RSRC1: variants seen among roughly 807,000 people sequenced by gnomAD.
RSRC1 encodes arginine and serine rich coiled-coil 1, also known as serine/Arginine-related protein 53.
Under a neutral mutation model 49.1 loss-of-function variants are expected in RSRC1, and 39 were observed. The observed-to-expected ratio is 0.79, with a 90% CI of 0.61 to 1.04. The LOEUF is 1.04. Ranked by LOEUF, RSRC1 falls within the 50% of genes least tolerant of loss-of-function variation. The pLI, the probability that RSRC1 is intolerant of heterozygous loss-of-function variation, is 0.00. For synonymous variants in RSRC1, 143 were observed against 130.8 expected (o/e 1.09, Z -0.63); for missense variants, 388 against 402.4 (o/e 0.96, Z 0.31).
chr3:158,185,820 A>C (rs1203764803), intron 3 of RSRC1, among the ~76,000 whole-genome samples: 1 of 152,034 alleles, frequency 6.6e-6, no homozygotes, highest in Non-Finnish European at 1.5e-5. Context: ...GATGGTGTCC[A>C]GAACATACAA....
chr3:158,145,942 G>C (rs1717077554), intron 3 of RSRC1, among the ~76,000 whole-genome samples: 1 of 152,136 alleles, frequency 6.6e-6, no homozygotes, highest in African/African-American at 2.4e-5. Context: ...TCTGTTATTG[G>C]TGTATAAGAA....
chr3:158,147,047 T>C (rs970601545), intron 3 of RSRC1, among the ~76,000 whole-genome samples: 5 of 149,162 alleles, frequency 3.4e-5, no homozygotes, highest in African/African-American at 9.9e-5. Flanking sequence ...GTGGTAGTGC[T>C]GCTGCCTCCC....
chr3:158,443,560 G>A (rs1338681373), intron 6 of RSRC1, among the ~76,000 whole-genome samples: 2 of 152,170 alleles, frequency 1.3e-5, no homozygotes, highest in African/African-American at 4.8e-5. Context: ...TTTTGGCTAA[G>A]CTTAATGGTA....
chr3:158,184,295 C>A (rs201339354), intron 3 of RSRC1, among the ~76,000 whole-genome samples: 10 of 142,440 alleles, frequency 7.0e-5, no homozygotes, highest in African/African-American at 1.5e-4. Context: ...AAAAAAAAAA[C>A]AAAACCTAGA....
At chr3:158,243,179 C>T (rs145914954) in intron 4 of RSRC1, among the ~76,000 whole-genome samples, 2,556 of 152,128 alleles carry the variant, frequency 0.017, 88 homozygotes, top group African/African-American at 0.056. Context: ...TTTATAGTTT[C>T]GGGTTTTACA....
chr3:158,519,038 A>G (rs1576603974), intron 7 of RSRC1, among the ~76,000 whole-genome samples: 1 of 152,194 alleles, frequency 6.6e-6, no homozygotes, highest in East Asian at 1.9e-4. Flanking sequence ...ACATATAGTC[A>G]TCTCAAAGTT....
intron 6 of RSRC1, among the ~76,000 whole-genome samples, chr3:158,374,478 T>G (rs1164546873): frequency 6.6e-6 from 1 of 152,204 alleles, no homozygotes; most frequent in Non-Finnish European, 1.5e-5. Context: ...CATTTAGATC[T>G]GTAATTTTAA....
intron 6 of RSRC1, among the ~76,000 whole-genome samples, chr3:158,381,463 A>G (rs905213974): frequency 1.3e-4 from 20 of 152,214 alleles, no homozygotes; most frequent in African/African-American, 4.3e-4. Context: ...GTTTATTGCA[A>G]TACCACAAGG....
chr3:158,275,527 T>C (rs1283340175), intron 4 of RSRC1, among the ~76,000 whole-genome samples: 1 of 152,230 alleles, frequency 6.6e-6, no homozygotes, highest in Non-Finnish European at 1.5e-5. Context: ...TCAGTACTCC[T>C]CTTTTAAAGA....
At chr3:158,470,732 T>C (rs969715411) in intron 7 of RSRC1, among the ~76,000 whole-genome samples, 1 of 152,162 alleles carries the variant, frequency 6.6e-6, no homozygotes, top group East Asian at 1.9e-4. Flanking sequence ...AACCATAATC[T>C]AATCAATTCT....
At chr3:158,192,665 T>C (rs1466117839) in intron 3 of RSRC1, among the ~76,000 whole-genome samples, 1 of 152,058 alleles carries the variant, frequency 6.6e-6, no homozygotes, top group African/African-American at 2.4e-5. Context: ...AGCCCTGCTA[T>C]CTTCATGTTA....
chr3:158,228,216 T>A (rs73166328), intron 4 of RSRC1, among the ~76,000 whole-genome samples: 18,271 of 152,014 alleles, frequency 0.12, 1,370 homozygotes, highest in Middle Eastern at 0.2. Context: ...TTAATGATGG[T>A]ATTCTTTAAC....
intron 6 of RSRC1, among the ~76,000 whole-genome samples, chr3:158,428,711 A>G (rs1735601244): frequency 6.6e-6 from 1 of 151,898 alleles, no homozygotes; most frequent in African/African-American, 2.4e-5. Context: ...GCTAGAAAGC[A>G]AAAATCTACA....
chr3:158,143,191 G>A (rs571368983), intron 3 of RSRC1, among the ~76,000 whole-genome samples: 20 of 152,208 alleles, frequency 1.3e-4, no homozygotes, highest in Admixed American at 1.2e-3. Context: ...CTAAAATCCT[G>A]GTTGATTGTT....
chr3:158,229,523 TGTG>T (rs1275260318), intron 4 of RSRC1, among the ~76,000 whole-genome samples: 3 of 150,098 alleles, frequency 2.0e-5, no homozygotes, highest in African/African-American at 7.3e-5. Context: ...GCCTTTTAAT[TGTG>T]TGTGTGTGTG....
At chr3:158,428,202 C>T (rs578256460) in intron 6 of RSRC1, among the ~76,000 whole-genome samples, 1 of 151,834 alleles carries the variant, frequency 6.6e-6, no homozygotes, top group East Asian at 1.9e-4. Flanking sequence ...TAATACACCT[C>T]CAGCCAGATT....
intron 4 of RSRC1, among the ~76,000 whole-genome samples, chr3:158,266,305 A>G (rs543792750): frequency 6.4e-4 from 98 of 152,186 alleles, no homozygotes; most frequent in Non-Finnish European, 1.1e-3. Flanking sequence ...AAACTTGATT[A>G]TTAATGTAGA....
At chr3:158,207,678 C>G (rs201201853) in intron 4 of RSRC1, among the ~76,000 whole-genome samples, 1 of 65,510 alleles carries the variant, frequency 1.5e-5, no homozygotes, top group Non-Finnish European at 3.5e-5. Context: ...GAGAGACAGA[C>G]AGACAGACAG....
At chr3:158,275,961 C>T in intron 4 of RSRC1, 1 of 753,122 alleles carries the variant, frequency 1.3e-6, no homozygotes, top group South Asian at 1.3e-5. Flanking sequence ...TGCTTGTGGA[C>T]TGGTTCGGTG....
Sources: gnomAD v4.1 joint callset for allele counts (sites outside exome capture counted in the v4.1 genomes callset) on GRCh38, gnomAD v4.1.1 for gene constraint, MANE v1.5 for transcripts, NCBI Gene and HGNC (gene_info 2026-07-23, HGNC 2026-07-21) for gene names.